The following SNED1 variants were observed in gnomAD, a reference collection of about 807,000 sequenced individuals.
SNED1 encodes the protein sushi, nidogen and EGF-like domain-containing protein 1.
SNED1 carries 81 observed loss-of-function variants against 166.7 expected under a neutral mutation model. That is an observed-to-expected ratio of 0.49 (90% CI 0.41 to 0.58). The LOEUF (loss-of-function observed/expected upper bound fraction) is 0.58. Among genes scored for constraint, SNED1 ranks in the 20% least tolerant of loss-of-function variants. SNED1 has a pLI of 0.00. For missense variants in SNED1, 1,604 were observed against 2,000.2 expected, an observed-to-expected ratio of 0.80 and a Z score of 3.78; for synonymous variants, 762 against 822.0, an observed-to-expected ratio of 0.93 and a Z score of 1.25.
At chr2:241,052,499 C>A in intron 15 of SNED1, 31 bp downstream of exon 15, 1 of 1,490,970 alleles carries the variant, frequency 6.7e-7, no homozygotes. Context: ...AAGCAGGGTA[C>A]ATGGGATACC....
At chr2:241,028,572 C>T (rs944087088) in intron 1 of SNED1, among the ~76,000 whole-genome samples, 1 of 152,234 alleles carries the variant, frequency 6.6e-6, no homozygotes, top group Non-Finnish European at 1.5e-5. Context: ...ATGCTCTTGA[C>T]ACCCTTGTGA....
At position 241,036,920 on chromosome 2, in the gene SNED1, GTGAC is replaced by G. The variant is rs1318261839; in HGVS notation, c.931+8_931+11del. ...CGGGGCGGAGGTGCCACCTGGGTGAGTGACTGGCCCAGGGCGGGACCACCCGCTG... is the reference window on the plus strand; with the variant it reads ...CGGGGCGGAGGTGCCACCTGGGTGAGTGGCCCAGGGCGGGACCACCCGCTG... On this transcript the variant is annotated splice_donor_region_variant and intron_variant, in intron 5 of 31. Transcript: ENST00000310397. The G allele has an allele frequency of 1.2e-6, 2 of 1,608,380 alleles. No individual in the cohort carries two copies. Among genetic ancestry groups the G allele is most frequent in the Admixed American group, 1.7e-5 (1 of 59,394 alleles).
At chr2:241,070,346 G>A (rs1442826858) in intron 24 of SNED1, 145 bp downstream of exon 24, 1 of 901,952 alleles carries the variant, frequency 1.1e-6, no homozygotes. Flanking sequence ...AGGAGTCTGT[G>A]TATGAAAGTG....
At chr2:241,023,972 AC>A (rs1174612599) in intron 1 of SNED1, among the ~76,000 whole-genome samples, 1 of 120,116 alleles carries the variant, frequency 8.3e-6, no homozygotes, top group Middle Eastern at 6.7e-3. Flanking sequence ...TGCAGCCTCC[AC>A]CCCCCGGGTT....
rs1346380443 is a variant in SNED1 at position 241,034,421 on chromosome 2, C to T, written c.643-147C>T. The T allele has an allele frequency of 9.3e-6, 7 of 750,536 alleles. No homozygotes were observed. In the African/African-American group the frequency reaches 1.3e-4, roughly 13 times the overall value. The allele number at this position is 750,536 out of a possible 1,614,324, so 46.5% of individuals were successfully genotyped here. A position where few individuals can be genotyped will look rare whatever the true frequency, so the allele number is the denominator to read the frequency against. On this transcript the variant is annotated intron_variant, in intron 3 of 31. Transcript: ENST00000310397. ...GCTGGGGAGCCAGGGCCAGCCCTCT[C>T]CTTGGCTCCCAGGAACGGTTGGCTG...
At chr2:241,021,897 A>G (rs576675380) in intron 1 of SNED1, among the ~76,000 whole-genome samples, 5 of 152,366 alleles carry the variant, frequency 3.3e-5, no homozygotes, top group African/African-American at 9.6e-5. Flanking sequence ...CTAGCAATGT[A>G]TGAGGGTTCC....
At chr2:241,037,122 C>T in intron 5 of SNED1, 118 bp from the exon 6 acceptor site, 1 of 1,043,092 alleles carries the variant, frequency 9.6e-7, no homozygotes, top group Non-Finnish European at 1.4e-6. Flanking sequence ...CAGTTGCTGC[C>T]CTCTCTGAGC....
intron 1 of SNED1, among the ~76,000 whole-genome samples, chr2:241,005,047 A>G (rs1458398001): frequency 1.3e-5 from 2 of 151,752 alleles, no homozygotes; most frequent in African/African-American, 2.4e-5. Flanking sequence ...AAAACAGTCA[A>G]TTATCATTTA....
At chr2:241,055,027 G>A (rs1362855633) in intron 16 of SNED1, among the ~76,000 whole-genome samples, 1 of 152,108 alleles carries the variant, frequency 6.6e-6, no homozygotes, top group African/African-American at 2.4e-5. Flanking sequence ...TGAGGCAGGA[G>A]AATCGCTTGA....
rs929280416 is a variant in SNED1 at position 241,087,423 on chromosome 2, A to T, written c.4153A>T (p.Ile1385Phe). The part of the protein sequence containing the change: ...YKRVYRVHQD[I>F]CFKESCESTS... The stretch of plus-strand genomic sequence containing the variant: ...AAGAGTCTACCGAGTTCACCAAGAC[A>T]TCTGCTTCAAAGAGAGCTGTGAAAG... The change falls in exon 30 of 32, where the codon ATC (isoleucine) becomes TTC (phenylalanine). Residue 1385 changes from isoleucine (I) to phenylalanine (F), a missense_variant. Ile to Phe is a conservative substitution (Grantham distance 21, BLOSUM62 0). This residue lies in a region of SNED1 where 367 missense variants were observed against 379.4 expected (regional missense o/e 0.97). Transcript: ENST00000310397. 1.2e-5 allele frequency: 19 copies of T among 1,604,186 alleles called. No homozygotes were observed. Among genetic ancestry groups the T allele is most frequent in the Non-Finnish European group, 1.6e-5 (19 of 1,175,384 alleles).
chr2:241,002,056 C>T lies in SNED1; in HGVS notation c.213+3006C>T, dbSNP rs557695716. ...TCCCGGCCCTACCCCTCCCAGAACACGGAGCCCAGGGCAGCTGCTCTGGTG... is the reference window on the plus strand; with the variant it reads ...TCCCGGCCCTACCCCTCCCAGAACATGGAGCCCAGGGCAGCTGCTCTGGTG... On this transcript the variant is annotated intron_variant, in intron 1 of 31. Transcript: ENST00000310397. 2.1e-3 allele frequency among the ~76,000 whole-genome samples: 326 copies of T among 152,304 alleles called. 1 individual carries two copies. The highest frequency in any genetic ancestry group is 3.7e-3 in the Non-Finnish European group (250 of 68,018).
At chr2:241,016,484 CCACGCCCGG>C (rs145636353) in intron 1 of SNED1, among the ~76,000 whole-genome samples, 7,288 of 152,196 alleles carry the variant, frequency 0.048, 930 homozygotes, top group East Asian at 0.36. Context: ...GCGTGAGCCA[CCACGCCCGG>C]CCCATGGTGG....
chr2:241,076,963 C>T (rs1221346899), intron 27 of SNED1, among the ~76,000 whole-genome samples: 5 of 152,068 alleles, frequency 3.3e-5, no homozygotes, highest in African/African-American at 4.8e-5. Context: ...CCTGTGGTCC[C>T]AGCTACTCCG....
At chr2:241,076,632 C>G (rs1311046480) in intron 27 of SNED1, among the ~76,000 whole-genome samples, 1 of 152,148 alleles carries the variant, frequency 6.6e-6, no homozygotes, top group Non-Finnish European at 1.5e-5. Flanking sequence ...GAGGCCTAGG[C>G]AGGTGAATCA....
rs1421134188 is a variant in SNED1 at position 240,999,483 on chromosome 2, C to T, written c.213+433C>T. The stretch of plus-strand genomic sequence containing the variant: ...GTTGCAGCCCCTCCTTGGGCCATTT[C>T]AGCCCCGCCCCCCGTGGACGCCAGT... On this transcript the variant is annotated intron_variant, in intron 1 of 31. Transcript: ENST00000310397. This position sits in a 1 kb window ranked among gnomAD's most constrained non-coding sequence, Gnocchi z 5.8. 1.3e-5 allele frequency among the ~76,000 whole-genome samples: 2 copies of T among 152,196 alleles called. No individual in the cohort carries two copies. The highest frequency in any genetic ancestry group is 2.9e-5 in the Non-Finnish European group (2 of 68,010).
chr2:241,063,449 A>G, intron 17 of SNED1, 138 bp from the exon 18 acceptor site: 1 of 688,352 alleles, frequency 1.5e-6, no homozygotes, highest in East Asian at 2.7e-5. Flanking sequence ...CTGATGGAAG[A>G]AAAAGCACAT....
intron 12 of SNED1, chr2:241,050,147 A>G (rs2061792643): frequency 3.3e-6 from 2 of 611,262 alleles, no homozygotes; most frequent in East Asian, 2.8e-5. Flanking sequence ...CCTGCTGGTC[A>G]TTACCTTGCT....
chr2:241,028,682 G>A (rs1354132462), intron 1 of SNED1, among the ~76,000 whole-genome samples: 1 of 152,222 alleles, frequency 6.6e-6, no homozygotes, highest in Non-Finnish European at 1.5e-5. Flanking sequence ...GATTACTGGA[G>A]ATTTGTAGTA....
chr2:241,026,681 T>C (rs778405139), intron 1 of SNED1, among the ~76,000 whole-genome samples: 2 of 152,246 alleles, frequency 1.3e-5, no homozygotes, highest in Non-Finnish European at 2.9e-5. Flanking sequence ...GATTAAATAA[T>C]TTACATTCCT....
Sources: allele counts gnomAD v4.1 joint callset (sites outside exome capture counted in the v4.1 genomes callset), GRCh38; gene constraint gnomAD v4.1.1; regional missense constraint gnomAD v4.1.1; non-coding constraint Gnocchi (gnomAD v3.1); transcripts MANE v1.5; gene names NCBI Gene and HGNC (gene_info 2026-07-23, HGNC 2026-07-21).